Variants in ANK3 observed in about 807,000 individuals in gnomAD.
ANK3 encodes the protein ankyrin 3.
Under a neutral mutation model 370.9 loss-of-function variants are expected in ANK3, and 57 were observed. The ratio of observed to expected loss-of-function variants is 0.15; its 90% confidence interval spans 0.12 to 0.19. ANK3 has a LOEUF of 0.19. Among genes scored for constraint, ANK3 ranks in the 10% least tolerant of loss-of-function variants. The probability of loss-of-function intolerance (pLI) is 1.00; values close to 1 mark genes in which losing one functional copy is unlikely to be tolerated. For synonymous variants in ANK3, 1,929 were observed against 1,946.3 expected (o/e 0.99, Z 0.23); for missense variants, 4,439 against 5,302.1 (o/e 0.84, Z 5.06).
intron 2 of ANK3, among the ~76,000 whole-genome samples, chr10:60,458,032 A>T (rs1413151696): frequency 6.6e-6 from 1 of 152,078 alleles, no homozygotes; most frequent in Non-Finnish European, 1.5e-5. Context: ...CCTTTTTATA[A>T]GGAATAAAAG....
chr10:60,481,803 A>C (rs1372512963), intron 2 of ANK3, among the ~76,000 whole-genome samples: 3 of 152,194 alleles, frequency 2.0e-5, no homozygotes. Flanking sequence ...ACTGGAGAGC[A>C]AAAGCCGTCA....
intron 8 of ANK3, among the ~76,000 whole-genome samples, chr10:60,232,125 C>G (rs1000624749): frequency 6.6e-6 from 1 of 152,122 alleles, no homozygotes; most frequent in Admixed American, 6.6e-5. Flanking sequence ...CCTATGTATC[C>G]TTTTCTCCTC....
At chr10:60,226,521 T>A (rs539554280) in intron 8 of ANK3, among the ~76,000 whole-genome samples, 14 of 87,136 alleles carry the variant, frequency 1.6e-4, no homozygotes, top group African/African-American at 8.1e-4. Flanking sequence ...ATAGTATATA[T>A]ACTATAGTAT....
Position 60,531,836 on chromosome 10 carries a change from C to T in ANK3, c.96+83350G>A, listed in dbSNP as rs965501430. Among the ~76,000 whole-genome samples the T allele has an allele frequency of 2.0e-5, 3 of 152,038 alleles. No individual in the cohort carries two copies. The East Asian group carries it at 5.8e-4, about 29-fold the overall frequency. On this transcript the variant is annotated intron_variant, in intron 2 of 43. Transcript: ENST00000373827. ...TAGAAGTCTGTTAGAAAAGCAGATT[C>T]CTGATCCCATTTCAGACCTCTTGAA...
intron 2 of ANK3, among the ~76,000 whole-genome samples, chr10:60,567,168 C>T (rs1345347289): frequency 6.6e-6 from 1 of 152,086 alleles, no homozygotes; most frequent in East Asian, 1.9e-4. Context: ...GCAAGACAGC[C>T]CTATACTGTA....
At chr10:60,273,802 A>T (rs889257268) in intron 4 of ANK3, among the ~76,000 whole-genome samples, 2 of 152,098 alleles carry the variant, frequency 1.3e-5, no homozygotes, top group African/African-American at 4.8e-5. Flanking sequence ...TGGTTTTATA[A>T]ATGGGAGTTT....
intron 2 of ANK3, among the ~76,000 whole-genome samples, chr10:60,502,919 AAAAGG>A (rs983483361): frequency 3.3e-5 from 5 of 151,338 alleles, no homozygotes; most frequent in African/African-American, 1.2e-4. Context: ...AAAGAAAAAG[AAAAGG>A]AAAGAAAAGG....
intron 1 of ANK3, among the ~76,000 whole-genome samples, chr10:60,309,693 T>G (rs781084809): frequency 1.3e-5 from 2 of 152,156 alleles, no homozygotes; most frequent in Non-Finnish European, 2.9e-5. Flanking sequence ...TATACTCTGT[T>G]TAAAATACTT....
chr10:60,725,311 T>A (rs1174595340), intron 1 of ANK3, among the ~76,000 whole-genome samples: 6 of 151,974 alleles, frequency 3.9e-5, no homozygotes, highest in Non-Finnish European at 8.8e-5. Context: ...CTCACTCAGT[T>A]ACCTCCCATT....
At chr10:60,473,071 T>C (rs1023720242) in intron 2 of ANK3, among the ~76,000 whole-genome samples, 1 of 152,126 alleles carries the variant, frequency 6.6e-6, no homozygotes, top group African/African-American at 2.4e-5. Flanking sequence ...CTGAAGAATA[T>C]TTCATGACAT....
Position 60,366,049 on chromosome 10 carries a change from A to T in ANK3, c.114+23376T>A, listed in dbSNP as rs757439218. Among the ~76,000 whole-genome samples the T allele has an allele frequency of 2.5e-3, 382 of 152,316 alleles. 3 individuals carry two copies. The highest frequency in any genetic ancestry group is 0.02 in the Middle Eastern group (6 of 294). ...AATACCTGTGTTTTAGGACTAAAATATTAGGCCAGGCATGGTGGCTCACAC... is the reference window on the plus strand; with the variant it reads ...AATACCTGTGTTTTAGGACTAAAATTTTAGGCCAGGCATGGTGGCTCACAC... On this transcript the variant is annotated intron_variant, in intron 1 of 43. Transcript: ENST00000280772.
At chr10:60,039,496 T>A (rs909321450) in intron 43 of ANK3, among the ~76,000 whole-genome samples, 2 of 152,348 alleles carry the variant, frequency 1.3e-5, no homozygotes, top group African/African-American at 4.8e-5. Context: ...TTTCACTGTG[T>A]AGAGTAAGAA....
intron 1 of ANK3, among the ~76,000 whole-genome samples, chr10:60,696,414 C>A (rs1306349349): frequency 6.6e-6 from 1 of 150,692 alleles, no homozygotes; most frequent in African/African-American, 2.5e-5. Flanking sequence ...AGGCCAGCAT[C>A]ATCCTGATAC....
At chr10:60,080,973 A>G (rs2085066562) in intron 35 of ANK3, among the ~76,000 whole-genome samples, 1 of 152,244 alleles carries the variant, frequency 6.6e-6, no homozygotes, top group Non-Finnish European at 1.5e-5. Flanking sequence ...AAGGCACACA[A>G]AGTTTATTAT....
chr10:60,172,617 C>T (rs149692133), intron 20 of ANK3, among the ~76,000 whole-genome samples: 3 of 152,270 alleles, frequency 2.0e-5, no homozygotes, highest in Non-Finnish European at 2.9e-5. Flanking sequence ...GGCTTTTTAA[C>T]GTTCTAAGTA....
intron 1 of ANK3, chr10:60,300,235 AT>A (rs1566383884): frequency 2.4e-6 from 2 of 834,140 alleles, no homozygotes; most frequent in Non-Finnish European, 3.5e-6. Context: ...AGCAACAAAC[AT>A]TTTTTAAAAG....
chr10:60,714,737 T>C (rs1468401678), intron 1 of ANK3, among the ~76,000 whole-genome samples: 2 of 152,074 alleles, frequency 1.3e-5, no homozygotes, highest in African/African-American at 4.8e-5. Flanking sequence ...ATAAAGAATA[T>C]CTACAAGCTA....
In ANK3 at chr10:60,059,411, T is replaced by C. The variant is rs1255898379; in HGVS notation, c.12615A>G (p.Ser4205=). The change falls in exon 41 of 44, where the codon TCA becomes TCG. Residue 4205 remains serine, a synonymous_variant. Coordinates refer to ENST00000280772, the MANE Select transcript of ANK3 (RefSeq NM_020987.5). ...DPVDGWQNET[S]SGNLESCAQA... ...GAGCGCAGGACTCTAGGTTTCCACT[T>C]GATGTCTCATTCTGCCAACCTGTAA... 3 of 1,614,020 alleles carry C rather than the reference T, an allele frequency of 1.9e-6. No homozygotes were observed. The highest frequency in any genetic ancestry group is 8.5e-7 in the Non-Finnish European group (1 of 1,179,998).
intron 23 of ANK3, among the ~76,000 whole-genome samples, chr10:60,142,224 T>C (rs1274262671): frequency 6.6e-6 from 1 of 152,192 alleles, no homozygotes; most frequent in Non-Finnish European, 1.5e-5. Flanking sequence ...TAGAAGTCCT[T>C]AAACTCTTTA....
Sources: allele counts gnomAD v4.1 joint callset (sites outside exome capture counted in the v4.1 genomes callset), GRCh38; gene constraint gnomAD v4.1.1; transcripts MANE v1.5; gene names NCBI Gene and HGNC (gene_info 2026-07-23, HGNC 2026-07-21).